TDRD12: variants seen among roughly 807,000 people sequenced by gnomAD.
TDRD12 encodes the protein tudor domain containing 12.
TDRD12 carries 158 observed loss-of-function variants against 133.5 expected under a neutral mutation model. The ratio of observed to expected loss-of-function variants is 1.18; its 90% CI spans 1.04 to 1.35. TDRD12 has a LOEUF of 1.35. Ranked by LOEUF, TDRD12 falls within the 40% of genes most tolerant of loss-of-function variation. TDRD12 has a pLI of 0.00. For missense variants in TDRD12, 1,443 were observed against 1,321.3 expected (o/e 1.09, Z -1.43); for synonymous variants, 460 against 477.9 (o/e 0.96, Z 0.49).
At chr19:32,756,972 C>A in intron 7 of TDRD12, 66 bp from the exon 8 acceptor site, 3 of 1,340,392 alleles carry the variant, frequency 2.2e-6, no homozygotes, top group Non-Finnish European at 3.1e-6. Context: ...AATGTACTAA[C>A]GAGTTCACAT....
intron 19 of TDRD12, among the ~76,000 whole-genome samples, chr19:32,802,202 A>G (rs866974686): frequency 7.3e-6 from 1 of 137,376 alleles, no homozygotes; most frequent in African/African-American, 2.7e-5. Context: ...TATATATGAT[A>G]GTGATCATAT....
chr19:32,738,977 C>T, exon 3 of TDRD12: 3 of 1,550,580 alleles, frequency 1.9e-6, no homozygotes, highest in Non-Finnish European at 1.7e-6. Flanking sequence ...AAGAACATTC[C>T]AGTCAAATCT....
chr19:32,761,078 A>G (rs1248496948), intron 8 of TDRD12, among the ~76,000 whole-genome samples: 1 of 152,190 alleles, frequency 6.6e-6, no homozygotes, highest in Non-Finnish European at 1.5e-5. Flanking sequence ...GACGTCGTTC[A>G]GCATCACTTG....
intron 22 of TDRD12, 50 bp from the exon 23 acceptor site, chr19:32,810,043 C>T (rs1467464084): frequency 9.0e-6 from 11 of 1,216,642 alleles, no homozygotes; most frequent in Admixed American, 7.7e-5. Context: ...TGTACATATC[C>T]GGTTTAGACT....
At chr19:32,794,837 C>T (rs1289168553) in intron 14 of TDRD12, 24 bp downstream of exon 14, 9 of 699,730 alleles carry the variant, frequency 1.3e-5, no homozygotes, top group African/African-American at 1.2e-4. Context: ...AGTTTTGCCT[C>T]ACAACCAAAT....
chr19:32,774,490 G>A (rs959950525), intron 10 of TDRD12, among the ~76,000 whole-genome samples: 1 of 151,266 alleles, frequency 6.6e-6, no homozygotes, highest in Admixed American at 6.6e-5. Flanking sequence ...TTCATTTTAG[G>A]TTCATTTTGA....
At chr19:32,753,881 G>C in intron 6 of TDRD12, among the ~76,000 whole-genome samples, 1 of 152,016 alleles carries the variant, frequency 6.6e-6, no homozygotes, top group East Asian at 1.9e-4. Context: ...CGCAGTCTAC[G>C]TATTTGATTC....
At position 32,772,865 on chromosome 19, in the gene TDRD12, A is replaced by C. The variant is rs555294286; in HGVS notation, c.963+15A>C. On this transcript the variant is annotated intron_variant, in intron 9 of 27. Coordinates refer to ENST00000444215, the Ensembl canonical transcript of TDRD12. ...ATACAAATAAGGTTGTATTTTAAAA[A>C]TGTTCTTTAAATACAAAGTTCATAT... The C allele has an allele frequency of 4.4e-5, 61 of 1,375,660 alleles. 1 individual carries two copies. In the African/African-American group the frequency reaches 9.2e-4, roughly 21 times the overall value. The allele number at this position is 1,375,660 out of a possible 1,614,324, so 85.2% of individuals were successfully genotyped here.
intron 1 of TDRD12, among the ~76,000 whole-genome samples, chr19:32,728,892 C>T (rs544554263): frequency 6.6e-6 from 1 of 151,414 alleles, no homozygotes; most frequent in African/African-American, 2.4e-5. Context: ...TGTGATCCGC[C>T]CGTCTCGGCC....
chr19:32,821,405 T>TGTGTGTGC (rs1476064420), downstream of TDRD12: 1 of 169,582 alleles, frequency 5.9e-6, no homozygotes. Context: ...TGTGTGTGTG[T>TGTGTGTGC]GTGTGCGTGT....
intron 4 of TDRD12, among the ~76,000 whole-genome samples, chr19:32,744,522 A>AAT (rs1969539221): frequency 6.7e-6 from 1 of 150,272 alleles, no homozygotes; most frequent in African/African-American, 2.4e-5. Flanking sequence ...AAAAAAAAAA[A>AAT]AACAAAAGAA....
chr19:32,764,496 T>C (rs925871843), intron 8 of TDRD12, among the ~76,000 whole-genome samples: 2 of 152,184 alleles, frequency 1.3e-5, no homozygotes, highest in African/African-American at 4.8e-5. Context: ...TCTTTTAATA[T>C]CTATTGAGAC....
chr19:32,781,832 T>A (rs1384702341), intron 11 of TDRD12, among the ~76,000 whole-genome samples: 2 of 152,244 alleles, frequency 1.3e-5, no homozygotes, highest in Middle Eastern at 3.4e-3. Context: ...TAGCCTCATG[T>A]CCCTTACCCC....
At chr19:32,780,304 T>C (rs2145627586) in intron 11 of TDRD12, among the ~76,000 whole-genome samples, 1 of 152,304 alleles carries the variant, frequency 6.6e-6, no homozygotes, top group East Asian at 1.9e-4. Context: ...CAGGCTGGTC[T>C]CGAACTCCTG....
chr19:32,773,941 TC>T (rs1164864043), intron 10 of TDRD12, among the ~76,000 whole-genome samples: 1 of 152,160 alleles, frequency 6.6e-6, no homozygotes, highest in African/African-American at 2.4e-5. Context: ...GACAGAGTTG[TC>T]CCTGTAAGGC....
intron 6 of TDRD12, among the ~76,000 whole-genome samples, chr19:32,752,240 T>G (rs1456919990): frequency 1.3e-5 from 2 of 151,752 alleles, no homozygotes; most frequent in East Asian, 3.9e-4. Flanking sequence ...ATCTCAATGG[T>G]GCGATCTTGG....
intron 4 of TDRD12, among the ~76,000 whole-genome samples, chr19:32,747,522 T>C (rs193204508): frequency 6.6e-6 from 1 of 152,314 alleles, no homozygotes; most frequent in East Asian, 1.9e-4. Context: ...AGAAGAAACA[T>C]AGAACATCAT....
chr19:32,800,893 A>G lies in TDRD12; in HGVS notation c.2079+121A>G, dbSNP rs548477481. ...GGAAGTAAAGTTTTACAAGTTTAAC[A>G]TCAATCAGAAGAGGAGGTGGGGTCT... is the stretch of plus-strand genomic sequence containing the variant. On this transcript the variant is annotated intron_variant, in intron 18 of 27. Coordinates refer to ENST00000444215, the Ensembl canonical transcript of TDRD12. 6.6e-6 allele frequency: 7 copies of G among 1,054,750 alleles called. No homozygotes were observed. In the East Asian group the frequency reaches 1.7e-4, roughly 26 times the overall value. The allele number at this position is 1,054,750 out of a possible 1,614,324, so 65.3% of individuals were successfully genotyped here.
chr19:32,759,980 C>T (rs1023045813), intron 8 of TDRD12, among the ~76,000 whole-genome samples: 1 of 152,250 alleles, frequency 6.6e-6, no homozygotes, highest in African/African-American at 2.4e-5. Context: ...TCTGATATGC[C>T]TCTTGTAGGG....
Sources: allele counts gnomAD v4.1 joint callset (sites outside exome capture counted in the v4.1 genomes callset), GRCh38; gene constraint gnomAD v4.1.1; transcripts MANE v1.5; gene names NCBI Gene and HGNC (gene_info 2026-07-23, HGNC 2026-07-21).